The following PRKD1 variants were observed in gnomAD, a reference collection of about 807,000 sequenced individuals.
PRKD1 encodes protein kinase D1.
PRKD1 carries 63 observed loss-of-function variants against 95.9 expected under a neutral mutation model. That is an observed-to-expected ratio of 0.66 (90% CI 0.54 to 0.81). The LOEUF is 0.81. Among genes scored for constraint, PRKD1 ranks in the 30% least tolerant of loss-of-function variants. PRKD1 has a pLI of 0.00. For synonymous variants in PRKD1, 425 were observed against 423.1 expected (o/e 1.00, Z -0.05); for missense variants, 1,048 against 1,165.3 (o/e 0.90, Z 1.47).
At chr14:29,749,249 T>C (rs915580319) in intron 1 of PRKD1, among the ~76,000 whole-genome samples, 2 of 152,130 alleles carry the variant, frequency 1.3e-5, no homozygotes, top group African/African-American at 4.8e-5. Flanking sequence ...GTTCATACCA[T>C]GTTATATGCT....
In PRKD1 at chr14:29,907,611, T is replaced by C. The variant is rs1894538749; in HGVS notation, c.264+19638A>G. Reference sequence around the variant, plus strand: ...TGAAACTTTTTGTATAAACCAAAGTTTTCTCAATCAGAATATACTTCAAAT... The same window carrying C: ...TGAAACTTTTTGTATAAACCAAAGTCTTCTCAATCAGAATATACTTCAAAT... On this transcript the variant is annotated intron_variant, in intron 1 of 17. Transcript: ENST00000331968. Among the ~76,000 whole-genome samples, 4 of 152,308 alleles carry C rather than the reference T, an allele frequency of 2.6e-5. No individual in the cohort carries two copies. The South Asian group carries it at 8.3e-4, about 32-fold the overall frequency.
At chr14:29,641,485 C>A (rs1880761874) in intron 4 of PRKD1, among the ~76,000 whole-genome samples, 1 of 152,058 alleles carries the variant, frequency 6.6e-6, no homozygotes, top group Non-Finnish European at 1.5e-5. Context: ...TGGAAGGAGA[C>A]TGTTTGAGTT....
rs2333616 is a variant in PRKD1, at chr14:29,663,674, G to A, written c.696+25C>T. ...CCCACAGATTTCTCATGTAAATGGG[G>A]AAGTGGGTAAACAGGAAGCCATACC... On this transcript the variant is annotated intron_variant, in intron 4 of 17. Transcript: ENST00000331968. 2.4e-3 allele frequency: 3,834 copies of A among 1,608,074 alleles called. 7 individuals are homozygous for A. The highest frequency in any genetic ancestry group is 4.4e-3 in the Admixed American group (266 of 59,904).
chr14:29,654,400 C>G (rs1400307627), intron 4 of PRKD1, among the ~76,000 whole-genome samples: 1 of 152,120 alleles, frequency 6.6e-6, no homozygotes, highest in African/African-American at 2.4e-5. Context: ...TCTCGAACTT[C>G]TGGCCTCAAG....
chr14:29,639,600 C>A (rs1331524247), intron 4 of PRKD1, among the ~76,000 whole-genome samples: 1 of 147,848 alleles, frequency 6.8e-6, no homozygotes, highest in Non-Finnish European at 1.5e-5. Context: ...GCCTGGGTAA[C>A]AAGAGTGAAA....
chr14:29,735,972 A>G (rs1043308685), intron 1 of PRKD1, among the ~76,000 whole-genome samples: 3 of 152,214 alleles, frequency 2.0e-5, no homozygotes, highest in Admixed American at 6.5e-5. Context: ...TTTAAACACT[A>G]TATTTTTCAA....
rs570883813 is a variant in PRKD1 at position 29,688,284 on chromosome 14, T to C, written c.404-22076A>G. Among the ~76,000 whole-genome samples the C allele has an allele frequency of 5.9e-5, 9 of 152,248 alleles. No homozygotes were observed. In the South Asian group the frequency reaches 1.7e-3, roughly 28 times the overall value. On this transcript the variant is annotated intron_variant, in intron 2 of 17. Coordinates refer to ENST00000331968, the MANE Select transcript of PRKD1 (RefSeq NM_002742.3). ...CTAGGATAACCTCCCTATCTTAACA[T>C]CAGCTGACAGCAACTTAATCACATT...
At chr14:29,758,199 A>C (rs555228817) in intron 1 of PRKD1, among the ~76,000 whole-genome samples, 1 of 152,234 alleles carries the variant, frequency 6.6e-6, no homozygotes, top group Admixed American at 6.5e-5. Flanking sequence ...AAGAAAAAAA[A>C]AAAAGCTACT....
chr14:29,853,816 C>T (rs1394643083), intron 1 of PRKD1, among the ~76,000 whole-genome samples: 1 of 152,174 alleles, frequency 6.6e-6, no homozygotes, highest in Non-Finnish European at 1.5e-5. Flanking sequence ...CTTTCCCATG[C>T]TGTTCTCATA....
chr14:29,811,915 T>C (rs1157410826), intron 1 of PRKD1: 1 of 152,218 alleles, frequency 6.6e-6, no homozygotes, highest in Non-Finnish European at 1.5e-5. Flanking sequence ...ACCCCAGGCC[T>C]CTGCCCACTT....
intron 4 of PRKD1, chr14:29,656,584 G>A: frequency 1.4e-6 from 2 of 1,405,330 alleles, no homozygotes; most frequent in Non-Finnish European, 9.7e-7. Flanking sequence ...GTTATTGGAT[G>A]GAAGCAAAGC....
Position 29,599,674 on chromosome 14 carries a change from C to A in PRKD1, c.2049G>T (p.Thr683=). The A allele has an allele frequency of 6.2e-7, 1 of 1,610,754 alleles. No individual in the cohort carries two copies. Among genetic ancestry groups the A allele is most frequent in the Non-Finnish European group, 8.5e-7 (1 of 1,179,070 alleles). ...TTCTTACCTGAGTAATTAAAAACTT[C>A]GTTATGTGCTCTGGCAACCTGCCCT... ...SEKGRLPEHI[T]KFLITQILVA... Residue 683 remains threonine, a synonymous_variant, in exon 14 of 18, where the codon ACG becomes ACT. Transcript: ENST00000331968.
At chr14:29,927,069 A>G (rs1895327679) in intron 1 of PRKD1, among the ~76,000 whole-genome samples, 180 bp downstream of exon 1, 2 of 151,994 alleles carry the variant, frequency 1.3e-5, no homozygotes, top group South Asian at 4.1e-4. Context: ...AGCAACAGCG[A>G]GCGCAGCGCC....
At chr14:29,876,499 G>A (rs1566649728) in intron 1 of PRKD1, among the ~76,000 whole-genome samples, 2 of 151,972 alleles carry the variant, frequency 1.3e-5, no homozygotes, top group Non-Finnish European at 2.9e-5. Context: ...AATTTTACTG[G>A]AAATTTACTT....
intron 1 of PRKD1, among the ~76,000 whole-genome samples, chr14:29,914,868 G>T (rs983698932): frequency 6.6e-6 from 1 of 151,998 alleles, no homozygotes; most frequent in African/African-American, 2.4e-5. Context: ...CGCCTCCCGG[G>T]TTCACGCCAT....
chr14:29,610,297 A>G (rs1878366849), intron 13 of PRKD1, among the ~76,000 whole-genome samples: 1 of 152,224 alleles, frequency 6.6e-6, no homozygotes, highest in African/African-American at 2.4e-5. Context: ...TCTAAAATAT[A>G]CAAAGAACTA....
chr14:29,663,135 G>A (rs1027082632), intron 4 of PRKD1, among the ~76,000 whole-genome samples: 7 of 115,686 alleles, frequency 6.1e-5, no homozygotes, highest in African/African-American at 2.6e-4. Context: ...TATGGATATA[G>A]TTAATATTCT....
Position 29,927,372 on chromosome 14 carries a change from C to A in PRKD1, c.141G>T (p.Gly47=). The change falls in exon 1 of 18, where the codon GGG becomes GGT. Residue 47 remains glycine, a synonymous_variant. Transcript: ENST00000331968. Reference sequence around the variant, plus strand: ...CGATCTGCAGATGGAACGAGATGCCCCCGACCGGGGCCGCGACAGGAGCCA... The same window carrying A: ...CGATCTGCAGATGGAACGAGATGCCACCGACCGGGGCCGCGACAGGAGCCA... ...PFLAPVAAPV[G]GISFHLQIGL... is the part of the protein sequence containing the mutation. 1.3e-6 allele frequency: 2 copies of A among 1,561,116 alleles called. No individual in the cohort carries two copies. Among genetic ancestry groups the A allele is most frequent in the East Asian group, 5.0e-5 (2 of 39,738 alleles).
At chr14:29,678,461 C>T (rs1363855582) in intron 2 of PRKD1, among the ~76,000 whole-genome samples, 28 of 152,008 alleles carry the variant, frequency 1.8e-4, no homozygotes, top group Admixed American at 1.8e-3. Context: ...ATTTATTAGA[C>T]AAGTTTTTTT....
Sources: allele counts gnomAD v4.1 joint callset (sites outside exome capture counted in the v4.1 genomes callset), GRCh38; gene constraint gnomAD v4.1.1; transcripts MANE v1.5; gene names NCBI Gene and HGNC (gene_info 2026-07-23, HGNC 2026-07-21).